The following DLGAP1 variants were observed in gnomAD, a reference collection of about 807,000 sequenced individuals.
DLGAP1 encodes the protein DLG associated protein 1.
A neutral mutation model predicts 90.8 loss-of-function variants in DLGAP1; 11 were observed. The ratio of observed to expected loss-of-function variants is 0.12; its 90% CI spans 0.08 to 0.20. The LOEUF (loss-of-function observed/expected upper bound fraction) is 0.20. Ranked by LOEUF, DLGAP1 falls within the 10% of genes least tolerant of loss-of-function variation. The pLI is 1.00. For synonymous variants in DLGAP1, 558 were observed against 540.7 expected, an observed-to-expected ratio of 1.03 and a Z score of -0.44; for missense variants, 1,050 against 1,333.8, an observed-to-expected ratio of 0.79 and a Z score of 3.31.
At chr18:4,423,016 C>T (rs2083074750) in intron 1 of DLGAP1, among the ~76,000 whole-genome samples, 1 of 152,084 alleles carries the variant, frequency 6.6e-6, no homozygotes, top group Non-Finnish European at 1.5e-5. Flanking sequence ...CCACAAAATA[C>T]GTCTTCCAAG....
chr18:4,156,813 T>C (rs1432331494), intron 1 of DLGAP1, among the ~76,000 whole-genome samples: 1 of 152,230 alleles, frequency 6.6e-6, no homozygotes, highest in African/African-American at 2.4e-5. Context: ...GAATTTTTTT[T>C]TGAGCAATGA....
At chr18:3,887,391 GT>G (rs1568280404) in intron 3 of DLGAP1, among the ~76,000 whole-genome samples, 1 of 152,298 alleles carries the variant, frequency 6.6e-6, no homozygotes, top group Non-Finnish European at 1.5e-5. Flanking sequence ...CAGTGGCATG[GT>G]CACACTTGTG....
chr18:4,083,278 A>G (rs2075638194), intron 2 of DLGAP1, among the ~76,000 whole-genome samples: 1 of 152,104 alleles, frequency 6.6e-6, no homozygotes, highest in Non-Finnish European at 1.5e-5. Flanking sequence ...TTGTTTTGTA[A>G]TATTTTGTTT....
chr18:4,178,052 C>T (rs1040109557), intron 1 of DLGAP1, among the ~76,000 whole-genome samples: 5 of 152,032 alleles, frequency 3.3e-5, no homozygotes, highest in African/African-American at 1.2e-4. Context: ...TCTTTCTATT[C>T]AAATCCACAC....
Position 3,879,586 on chromosome 18 carries a change from G to T in DLGAP1, c.483C>A (p.Gly161=). ...GGCTGGCCTTGCCCCCGTTGACGCT[G>T]CCCTTGGACGGCCCCTCCAGGGAGT... ...KSHSLEGPSK[G]SVNGGKASPD... is the part of the protein sequence containing the mutation. Residue 161 remains glycine (G), a synonymous_variant, in exon 4 of 13, where the codon GGC becomes GGA. Transcript: ENST00000315677. The surrounding 1 kb of genome is among the most constrained non-coding windows in gnomAD (Gnocchi z 6.6). 6.2e-7 allele frequency: 1 copy of T among 1,600,364 alleles called. No homozygotes were observed.
intron 5 of DLGAP1, among the ~76,000 whole-genome samples, chr18:3,783,546 C>A (rs2065303189): frequency 6.6e-6 from 1 of 152,168 alleles, no homozygotes; most frequent in Non-Finnish European, 1.5e-5. Context: ...GAAAGGGTCA[C>A]ATGTGCAAAA....
intron 2 of DLGAP1, among the ~76,000 whole-genome samples, chr18:4,052,822 A>C (rs1202728887): frequency 6.6e-6 from 1 of 152,130 alleles, no homozygotes; most frequent in Admixed American, 6.5e-5. Flanking sequence ...CATCTCTCTA[A>C]AATTCAAAGT....
intron 1 of DLGAP1, among the ~76,000 whole-genome samples, chr18:4,289,662 A>G (rs1001929729): frequency 6.6e-6 from 1 of 152,180 alleles, no homozygotes. Flanking sequence ...TTTTTCATGA[A>G]AAATTAAACA....
rs73380556 is a variant in DLGAP1, at chr18:4,032,024, C to A, written c.-158-26823G>T. 6.1e-3 allele frequency among the ~76,000 whole-genome samples: 921 copies of A among 152,184 alleles called. 8 individuals are homozygous for A. Among genetic ancestry groups the A allele is most frequent in the African/African-American group, 0.021 (853 of 41,530 alleles). On this transcript the variant is annotated intron_variant, in intron 2 of 12. Transcript: ENST00000315677. ...CAAAATTATCCCTTTTCTCTAGTTT[C>A]CCGGTTTTGATACTTCACATTGCAA...
chr18:4,313,725 T>C (rs556183658), intron 1 of DLGAP1, among the ~76,000 whole-genome samples: 53 of 152,316 alleles, frequency 3.5e-4, no homozygotes, highest in African/African-American at 1.1e-3. Context: ...GTATTTACTA[T>C]TGTAATACAT....
At chr18:4,159,459 C>T (rs571877148) in intron 1 of DLGAP1, among the ~76,000 whole-genome samples, 4 of 152,272 alleles carry the variant, frequency 2.6e-5, no homozygotes, top group East Asian at 3.9e-4. Context: ...CTTCTTTGCC[C>T]GGCAAACTCC....
At chr18:3,706,941 T>C (rs547733438) in intron 7 of DLGAP1, among the ~76,000 whole-genome samples, 1 of 152,306 alleles carries the variant, frequency 6.6e-6, no homozygotes, top group African/African-American at 2.4e-5. Context: ...AGTTTGGGAA[T>C]GGGCGGAAAA....
intron 1 of DLGAP1, among the ~76,000 whole-genome samples, chr18:4,330,611 C>A (rs2080927143): frequency 6.6e-6 from 1 of 151,724 alleles, no homozygotes. Context: ...TTTGTGATTT[C>A]TTCTTTGAAA....
chr18:3,933,723 C>T (rs930534927), intron 3 of DLGAP1, among the ~76,000 whole-genome samples: 5 of 152,204 alleles, frequency 3.3e-5, no homozygotes, highest in Non-Finnish European at 7.3e-5. Context: ...GGTGTGAATG[C>T]CCCCTTTCTC....
chr18:3,564,637 A>C (rs2054331204), intron 9 of DLGAP1, among the ~76,000 whole-genome samples: 1 of 152,186 alleles, frequency 6.6e-6, no homozygotes, highest in Non-Finnish European at 1.5e-5. Flanking sequence ...AACTCACAAA[A>C]GTGTGAGCTC....
At position 4,454,308 on chromosome 18, in the gene DLGAP1, G is replaced by T. The variant is rs891907321; in HGVS notation, c.-267+698C>A. Among the ~76,000 whole-genome samples the T allele has an allele frequency of 6.6e-6, 1 of 152,158 alleles. No individual in the cohort carries two copies. The highest frequency in any genetic ancestry group is 1.5e-5 in the Non-Finnish European group (1 of 68,028). ...TCCAGCCCGGCTCATTCAATTCGCT[G>T]AATGTCGGGTCTCCCGGCCCGCCCC... On this transcript the variant is annotated intron_variant, in intron 1 of 12. Transcript: ENST00000315677. This position sits in a 1 kb window ranked among gnomAD's most constrained non-coding sequence, Gnocchi z 4.7.
chr18:4,079,865 C>T (rs958085901), intron 2 of DLGAP1, among the ~76,000 whole-genome samples: 1 of 152,076 alleles, frequency 6.6e-6, no homozygotes, highest in Non-Finnish European at 1.5e-5. Flanking sequence ...TAGCAATAGA[C>T]TTGCCTTGTC....
chr18:4,129,164 C>T (rs1236085131), intron 2 of DLGAP1, among the ~76,000 whole-genome samples: 1 of 152,036 alleles, frequency 6.6e-6, no homozygotes, highest in Non-Finnish European at 1.5e-5. Context: ...TAAATTAGTG[C>T]TCACTGCATG....
At chr18:3,530,304 G>A (rs1212158279) in intron 10 of DLGAP1, among the ~76,000 whole-genome samples, 3 of 152,132 alleles carry the variant, frequency 2.0e-5, no homozygotes, top group African/African-American at 7.2e-5. Context: ...CTCCTCATGA[G>A]GCTGAGGTGG....
Sources: allele counts gnomAD v4.1 joint callset (sites outside exome capture counted in the v4.1 genomes callset), GRCh38; gene constraint gnomAD v4.1.1; non-coding constraint Gnocchi (gnomAD v3.1); transcripts MANE v1.5; gene names NCBI Gene and HGNC (gene_info 2026-07-23, HGNC 2026-07-21).